FHIT: variants seen among roughly 807,000 people sequenced by gnomAD.
The protein encoded by FHIT is bis(5'-adenosyl)-triphosphatase.
FHIT carries 19 observed loss-of-function variants against 17.9 expected under a neutral mutation model. That is an observed-to-expected ratio of 1.06 (90% confidence interval 0.74 to 1.56). The LOEUF (loss-of-function observed/expected upper bound fraction) is 1.56, where lower values mean the gene tolerates loss of function less well. Among genes scored for constraint, FHIT ranks in the 40% most tolerant of loss-of-function variants. The probability of loss-of-function intolerance (pLI) is 0.00; values close to 1 mark genes in which losing one functional copy is unlikely to be tolerated. For synonymous variants in FHIT, 81 were observed against 69.7 expected (o/e 1.16, Z -0.81); for missense variants, 248 against 189.2 (o/e 1.31, Z -1.82).
chr3:60,939,108 C>T (rs534172879), intron 3 of FHIT, among the ~76,000 whole-genome samples: 9 of 152,260 alleles, frequency 5.9e-5, no homozygotes, highest in East Asian at 5.8e-4. Flanking sequence ...CATATACATA[C>T]GCACATTACA....
At chr3:60,604,026 T>G (rs2107717854) in intron 4 of FHIT, among the ~76,000 whole-genome samples, 1 of 152,312 alleles carries the variant, frequency 6.6e-6, no homozygotes, top group African/African-American at 2.4e-5. Flanking sequence ...GTCTACTATG[T>G]ACTAGGCACT....
intron 3 of FHIT, among the ~76,000 whole-genome samples, chr3:61,014,627 A>T (rs935174630): frequency 6.0e-5 from 9 of 151,134 alleles, no homozygotes; most frequent in African/African-American, 2.2e-4. Flanking sequence ...AAAATACAAA[A>T]AAATTAGCCA....
At chr3:60,103,233 T>C (rs1299318635) in intron 5 of FHIT, among the ~76,000 whole-genome samples, 4 of 152,206 alleles carry the variant, frequency 2.6e-5, no homozygotes, top group African/African-American at 9.6e-5. Context: ...ACATTGTATA[T>C]TGTAGGGGAG....
At chr3:61,017,725 A>G (rs2032192328) in intron 3 of FHIT, among the ~76,000 whole-genome samples, 2 of 152,238 alleles carry the variant, frequency 1.3e-5, no homozygotes, top group African/African-American at 4.8e-5. Context: ...AACATTGTGA[A>G]GAATTTGGCA....
chr3:60,574,562 C>G (rs999987025), intron 4 of FHIT, among the ~76,000 whole-genome samples: 4 of 151,874 alleles, frequency 2.6e-5, no homozygotes, highest in Non-Finnish European at 5.9e-5. Flanking sequence ...TTCTATAGCC[C>G]CCTCCTAATC....
chr3:59,794,251 G>A (rs539906853), intron 8 of FHIT, among the ~76,000 whole-genome samples: 3 of 152,284 alleles, frequency 2.0e-5, no homozygotes, highest in East Asian at 1.9e-4. Context: ...TCTTTCAGAC[G>A]TTTTGCACTG....
Position 61,021,363 on chromosome 3 carries a change from G to A in FHIT, c.-111+20684C>T, listed in dbSNP as rs559984888. ...GCCTGTAATCCCAGCACTTTGGGAG[G>A]CCGAGGCGGGCGGATCACGAGGTCA... is the stretch of plus-strand genomic sequence containing the variant. On this transcript the variant is annotated intron_variant, in intron 3 of 9. Transcript: ENST00000492590. Among the ~76,000 whole-genome samples, 44 of 151,614 alleles carry A rather than the reference G, an allele frequency of 2.9e-4. 1 individual carries two copies. In the South Asian group the frequency reaches 9.2e-3, roughly 32 times the overall value.
rs11917858 is a variant in FHIT at position 61,047,041 on chromosome 3, G to T, written c.-163-4942C>A. Among the ~76,000 whole-genome samples the T allele has an allele frequency of 2.0e-3, 301 of 152,114 alleles. 2 individuals are homozygous for T. The highest frequency in any genetic ancestry group is 6.9e-3 in the African/African-American group (285 of 41,472). On this transcript the variant is annotated intron_variant, in intron 2 of 9. Coordinates refer to ENST00000492590, the MANE Select transcript of FHIT (RefSeq NM_002012.4). ...ACAAACCCACAGCCAATATCATACC[G>T]AATGGGCAAAAGCTAGAAGCATTCC...
At chr3:60,889,677 T>C (rs1461286706) in intron 3 of FHIT, among the ~76,000 whole-genome samples, 1 of 152,104 alleles carries the variant, frequency 6.6e-6, no homozygotes, top group Non-Finnish European at 1.5e-5. Flanking sequence ...GCTGTATGGG[T>C]GGTTCATTTT....
At chr3:61,214,153 A>G (rs1206735157) in intron 1 of FHIT, among the ~76,000 whole-genome samples, 6 of 152,160 alleles carry the variant, frequency 3.9e-5, no homozygotes, top group Non-Finnish European at 8.8e-5. Flanking sequence ...AAATAACTAA[A>G]ATCAGAGCAG....
chr3:60,207,577 T>TCCC lies in FHIT; in HGVS notation c.104-193428_104-193426dup, dbSNP rs1187677402. ...CGAATTTAGAATCACCACCCCACAG[T>TCCC]CCCCCCGCCGACAAATCATACTATT... On this transcript the variant is annotated intron_variant, in intron 5 of 9. Coordinates refer to ENST00000492590, the MANE Select transcript of FHIT (RefSeq NM_002012.4). 4.6e-5 allele frequency among the ~76,000 whole-genome samples: 7 copies of TCCC among 151,700 alleles called. No homozygotes were observed. In the East Asian group the frequency reaches 9.7e-4, roughly 21 times the overall value.
intron 4 of FHIT, among the ~76,000 whole-genome samples, chr3:60,596,944 G>A (rs1415232780): frequency 1.3e-5 from 2 of 152,090 alleles, no homozygotes; most frequent in Non-Finnish European, 2.9e-5. Flanking sequence ...AAAAAAATGT[G>A]CTTTGAACTA....
chr3:59,839,247 T>C (rs540367746), intron 8 of FHIT, among the ~76,000 whole-genome samples: 1 of 147,652 alleles, frequency 6.8e-6, no homozygotes, highest in African/African-American at 2.5e-5. Flanking sequence ...GAACCCGGGA[T>C]GCAGAGGTTG....
intron 5 of FHIT, among the ~76,000 whole-genome samples, chr3:60,360,370 A>G (rs1699855492): frequency 1.3e-5 from 2 of 152,148 alleles, no homozygotes. Context: ...AATGCTAAGA[A>G]AGAGAAAACA....
chr3:60,895,665 C>CCTTCCTTCCTTCCTTTCTTT (rs1351920997), intron 3 of FHIT, among the ~76,000 whole-genome samples: 2 of 106,972 alleles, frequency 1.9e-5, no homozygotes, highest in African/African-American at 7.5e-5. Context: ...TTCCTTCCTT[C>CCTTCCTTCCTTCCTTTCTTT]CTTTCTTTCT....
intron 5 of FHIT, among the ~76,000 whole-genome samples, chr3:60,090,016 C>G (rs1703663772): frequency 6.6e-6 from 1 of 152,144 alleles, no homozygotes; most frequent in Admixed American, 6.5e-5. Flanking sequence ...AGGCATTGAT[C>G]TAAATGCTTT....
intron 8 of FHIT, among the ~76,000 whole-genome samples, chr3:59,888,473 A>G (rs1446026007): frequency 6.6e-6 from 1 of 152,242 alleles, no homozygotes; most frequent in Non-Finnish European, 1.5e-5. Flanking sequence ...CAATAAGCAC[A>G]ATTGTATTCA....
At chr3:60,791,087 C>T (rs959180252) in intron 4 of FHIT, among the ~76,000 whole-genome samples, 1 of 151,998 alleles carries the variant, frequency 6.6e-6, no homozygotes, top group Non-Finnish European at 1.5e-5. Context: ...CCTTTGCTGG[C>T]CATTTGGTTT....
chr3:61,129,840 TA>T (rs559747303), intron 2 of FHIT, among the ~76,000 whole-genome samples: 21 of 152,234 alleles, frequency 1.4e-4, no homozygotes, highest in Non-Finnish European at 1.9e-4. Context: ...TGAATTTCCC[TA>T]GCAGCACTGA....
Sources: allele counts gnomAD v4.1 joint callset (sites outside exome capture counted in the v4.1 genomes callset), GRCh38; gene constraint gnomAD v4.1.1; transcripts MANE v1.5; gene names NCBI Gene and HGNC (gene_info 2026-07-23, HGNC 2026-07-21).